Variants in COPS4 observed in about 807,000 individuals in gnomAD.
COPS4 encodes the protein COP9 signalosome subunit 4.
Under a neutral mutation model 55.1 loss-of-function variants are expected in COPS4, and 8 were observed. The observed-to-expected ratio is 0.15, with a 90% CI of 0.09 to 0.26. The LOEUF is 0.26. Among genes scored for constraint, COPS4 ranks in the 10% least tolerant of loss-of-function variants. COPS4 has a pLI of 1.00. For synonymous variants in COPS4, 185 were observed against 165.7 expected (o/e 1.12, Z -0.90); for missense variants, 248 against 484.0 (o/e 0.51, Z 4.58).
At position 83,057,242 on chromosome 4, in the gene COPS4, A is replaced by G. The variant is rs1731036032; in HGVS notation, c.565-16A>G. ...TTTTAATTTGTCCCCTAATTGAAAT[A>G]TTTTCCCTCTGTTAGGTATGCTATG... is the stretch of plus-strand genomic sequence containing the variant. On this transcript the variant is annotated splice_polypyrimidine_tract_variant and intron_variant, in intron 5 of 9. Coordinates refer to ENST00000264389, the MANE Select transcript of COPS4 (RefSeq NM_016129.3). The G allele has an allele frequency of 1.9e-6, 3 of 1,569,686 alleles. No individual in the cohort carries two copies. Among genetic ancestry groups the G allele is most frequent in the Non-Finnish European group, 2.6e-6 (3 of 1,158,490 alleles).
chr4:83,048,617 GT>G (rs1348521528), intron 2 of COPS4, among the ~76,000 whole-genome samples: 1 of 151,802 alleles, frequency 6.6e-6, no homozygotes, highest in Non-Finnish European at 1.5e-5. Context: ...TATTTTTACT[GT>G]TTTTTAAGAT....
intron 3 of COPS4, 142 bp downstream of exon 3, chr4:83,049,459 A>T: frequency 1.5e-6 from 1 of 649,616 alleles, no homozygotes; most frequent in Non-Finnish European, 2.4e-6. Context: ...TTATGATGCA[A>T]AATCAAGTAA....
chr4:83,041,485 A>G (rs551402427), intron 1 of COPS4, among the ~76,000 whole-genome samples: 6 of 151,928 alleles, frequency 3.9e-5, no homozygotes, highest in Non-Finnish European at 7.4e-5. Context: ...TATTTGACAA[A>G]TCTAGTCCAT....
intron 8 of COPS4, among the ~76,000 whole-genome samples, chr4:83,067,524 CTTTTT>C (rs34638314): frequency 7.7e-6 from 1 of 129,796 alleles, no homozygotes; most frequent in African/African-American, 3.0e-5. Flanking sequence ...ACGCCCAGCC[CTTTTT>C]TTTTTTTTTT....
chr4:83,047,657 C>A (rs1730753569), intron 2 of COPS4, among the ~76,000 whole-genome samples: 1 of 152,162 alleles, frequency 6.6e-6, no homozygotes, highest in Non-Finnish European at 1.5e-5. Context: ...TCATTTACAT[C>A]AACTGAACAG....
intron 6 of COPS4, 152 bp downstream of exon 6, chr4:83,057,560 CAG>C (rs1261781070): frequency 1.2e-5 from 7 of 574,748 alleles, no homozygotes; most frequent in East Asian, 6.1e-5. Context: ...TGTTTAAAAA[CAG>C]AAATAAAATG....
chr4:83,048,754 G>A (rs1373225368), intron 2 of COPS4, among the ~76,000 whole-genome samples: 1 of 152,032 alleles, frequency 6.6e-6, no homozygotes, highest in East Asian at 1.9e-4. Flanking sequence ...CGATTCTCTT[G>A]CCTTAGCCTC....
At position 83,035,257 on chromosome 4, in the gene COPS4, G is replaced by C. The variant is rs753963893; in HGVS notation, c.33G>C (p.Gln11His). The stretch of plus-strand genomic sequence containing the variant: ...CAGCCGTGCGACAGGATTTGGCCCA[G>C]CTCATGAATTCGAGCGGCTCTCATA... MAAAVRQDLA[Q>H]LMNSSGSHKD... The change falls in exon 1 of 10, where the codon CAG (glutamine) becomes CAC (histidine). Residue 11 changes from glutamine (Q) to histidine (H), a missense_variant. Around this residue, in one of 4 missense-constraint regions of COPS4, gnomAD observed 55 missense variants for 62.8 expected, o/e 0.88. Coordinates refer to ENST00000264389, the MANE Select transcript of COPS4 (RefSeq NM_016129.3). 1.3e-6 allele frequency: 2 copies of C among 1,573,826 alleles called. No homozygotes were observed. Among genetic ancestry groups the C allele is most frequent in the Non-Finnish European group, 8.7e-7 (1 of 1,154,264 alleles).
chr4:83,063,175 T>C lies in COPS4; in HGVS notation c.815T>C (p.Ile272Thr). 1 of 1,612,598 alleles carries C rather than the reference T, an allele frequency of 6.2e-7. No individual in the cohort carries two copies. The change falls in exon 7 of 10, where the codon ATC becomes ACC. Residue 272 changes from isoleucine (I) to threonine (T), a missense_variant. Physicochemically the swap from Ile to Thr is moderately conservative, Grantham distance 89. Coordinates refer to ENST00000264389, the MANE Select transcript of COPS4 (RefSeq NM_016129.3). ...GILEKMYLDR[I>T]IRGNQLQEFA... The stretch of plus-strand genomic sequence containing the variant: ...CTAGAGAAAATGTATCTAGATAGGA[T>C]CATCAGAGGAAATCAACTTCAAGAA...
At chr4:83,067,264 C>T (rs1028813974) in intron 8 of COPS4, among the ~76,000 whole-genome samples, 12 of 151,744 alleles carry the variant, frequency 7.9e-5, no homozygotes, top group African/African-American at 2.7e-4. Context: ...TCCCCCGAGA[C>T]GGACTGTAGC....
intron 1 of COPS4, 157 bp downstream of exon 1, chr4:83,035,455 G>T: frequency 4.1e-6 from 2 of 489,060 alleles, no homozygotes; most frequent in Non-Finnish European, 7.6e-6. Context: ...CAAATGTTGG[G>T]AGAAGCAGAA....
intron 8 of COPS4, among the ~76,000 whole-genome samples, chr4:83,066,790 GT>G (rs1731302612): frequency 6.6e-6 from 1 of 152,138 alleles, no homozygotes; most frequent in African/African-American, 2.4e-5. Context: ...TTTAAATTGT[GT>G]TTTGTGATAA....
At chr4:83,057,202 T>C in intron 5 of COPS4, 56 bp from the exon 6 acceptor site, 1 of 1,538,656 alleles carries the variant, frequency 6.5e-7, no homozygotes, top group African/African-American at 1.4e-5. Flanking sequence ...TGTTTTGTTT[T>C]GTTTAACTCT....
At chr4:83,071,541 C>T (rs957020472) in intron 9 of COPS4, among the ~76,000 whole-genome samples, 1 of 152,076 alleles carries the variant, frequency 6.6e-6, no homozygotes, top group Non-Finnish European at 1.5e-5. Flanking sequence ...GCTTCAGCCT[C>T]CCTAGTAGCT....
At chr4:83,071,721 T>C (rs942010709) in intron 9 of COPS4, among the ~76,000 whole-genome samples, 20 of 152,054 alleles carry the variant, frequency 1.3e-4, no homozygotes, top group Admixed American at 1.2e-3. Context: ...GCCTGGCTTT[T>C]TTTTTTTTGA....
intron 6 of COPS4, among the ~76,000 whole-genome samples, chr4:83,061,073 G>A (rs1731155000): frequency 6.6e-6 from 1 of 150,944 alleles, no homozygotes; most frequent in African/African-American, 2.4e-5. Flanking sequence ...TCCTTGCTTG[G>A]GTCATTCATT....
intron 4 of COPS4, among the ~76,000 whole-genome samples, chr4:83,054,938 A>G (rs1476611244): frequency 2.6e-5 from 4 of 152,256 alleles, no homozygotes; most frequent in African/African-American, 9.6e-5. Flanking sequence ...TTGGCAAAAA[A>G]TTGGAAAATT....
At chr4:83,045,413 A>C (rs910126531) in intron 1 of COPS4, among the ~76,000 whole-genome samples, 5 of 152,200 alleles carry the variant, frequency 3.3e-5, no homozygotes, top group African/African-American at 1.2e-4. Context: ...ACTGAAAACT[A>C]GATGAAGTGG....
Position 83,063,217 on chromosome 4 carries a change from T to A in COPS4, c.857T>A (p.Met286Lys), listed in dbSNP as rs780387126. The A allele has an allele frequency of 6.2e-7, 1 of 1,613,022 alleles. No homozygotes were observed. Among genetic ancestry groups the A allele is most frequent in the South Asian group, 1.1e-5 (1 of 90,856 alleles). Residue 286 changes from methionine to lysine, a missense_variant, in exon 7 of 10, where the codon ATG (methionine) becomes AAG (lysine). By Grantham distance (95) the Met-to-Lys change is moderately conservative. Transcript: ENST00000264389. ...CTTCAAGAATTTGCTGCCATGCTGA[T>A]GCCTCACCAAAAAGCAACTACAGCT... ...NQLQEFAAML[M>K]PHQKATTADG... is the part of the protein sequence containing the mutation.
Sources: gnomAD v4.1 joint callset for allele counts (sites outside exome capture counted in the v4.1 genomes callset) on GRCh38, gnomAD v4.1.1 for gene constraint, gnomAD v4.1.1 regional missense constraint, MANE v1.5 for transcripts, NCBI Gene and HGNC (gene_info 2026-07-23, HGNC 2026-07-21) for gene names.